ARHGAP24: variants seen among roughly 807,000 people sequenced by gnomAD.
ARHGAP24 encodes the protein Rho GTPase activating protein 24, also known as rho GTPase-activating protein 24.
In ARHGAP24, 50 loss-of-function variants were observed where a neutral mutation model predicts 76.4. That is an observed-to-expected ratio of 0.65 (90% CI 0.52 to 0.83). ARHGAP24 has a LOEUF of 0.83. Among genes scored for constraint, ARHGAP24 ranks in the 40% least tolerant of loss-of-function variants. The probability of loss-of-function intolerance (pLI) is 0.00; values close to 1 mark genes in which losing one functional copy is unlikely to be tolerated. For synonymous variants in ARHGAP24, 345 were observed against 323.3 expected (o/e 1.07, Z -0.72); for missense variants, 930 against 914.2 (o/e 1.02, Z -0.22).
chr4:85,741,373 A>AT (rs1725820147), intron 3 of ARHGAP24, among the ~76,000 whole-genome samples: 1 of 152,254 alleles, frequency 6.6e-6, no homozygotes, highest in South Asian at 2.1e-4. Flanking sequence ...GGAGGGTTTT[A>AT]AAATAAATAA....
chr4:85,915,092 T>G (rs1234253957), intron 3 of ARHGAP24, among the ~76,000 whole-genome samples: 2 of 152,212 alleles, frequency 1.3e-5, no homozygotes, highest in Non-Finnish European at 2.9e-5. Context: ...GTGAAGGAAG[T>G]AACTAGATTC....
intron 1 of ARHGAP24, among the ~76,000 whole-genome samples, chr4:85,494,626 A>T (rs1480942324): frequency 2.0e-5 from 3 of 151,676 alleles, no homozygotes; most frequent in Non-Finnish European, 4.4e-5. Context: ...GGTTGCAGTG[A>T]GCCAAGATTG....
chr4:85,651,495 C>G (rs1261046692), intron 2 of ARHGAP24, among the ~76,000 whole-genome samples: 1 of 148,780 alleles, frequency 6.7e-6, no homozygotes, highest in Non-Finnish European at 1.5e-5. Context: ...TTTGCTGTAC[C>G]TCCTAAGTGG....
chr4:85,556,817 A>C (rs1285226640), intron 1 of ARHGAP24, among the ~76,000 whole-genome samples: 1 of 152,214 alleles, frequency 6.6e-6, no homozygotes, highest in Non-Finnish European at 1.5e-5. Context: ...GCTGCAGGAC[A>C]GCAAAAATGG....
chr4:85,887,461 T>C (rs1007319710), intron 3 of ARHGAP24, among the ~76,000 whole-genome samples: 1 of 151,996 alleles, frequency 6.6e-6, no homozygotes, highest in African/African-American at 2.4e-5. Flanking sequence ...GGTAAAAGAG[T>C]AAGAGACTGA....
intron 2 of ARHGAP24, among the ~76,000 whole-genome samples, chr4:85,631,889 A>T (rs961595821): frequency 2.6e-5 from 4 of 152,022 alleles, no homozygotes; most frequent in Admixed American, 1.3e-4. Context: ...CTTAAAAATG[A>T]TTTGATATTT....
At chr4:85,780,302 T>A (rs1347132404) in intron 3 of ARHGAP24, among the ~76,000 whole-genome samples, 1 of 152,014 alleles carries the variant, frequency 6.6e-6, no homozygotes, top group African/African-American at 2.4e-5. Context: ...GCCTCCAGAG[T>A]AGCTGGGATT....
At chr4:85,750,222 T>C (rs1471868186) in intron 3 of ARHGAP24, among the ~76,000 whole-genome samples, 1 of 152,194 alleles carries the variant, frequency 6.6e-6, no homozygotes, top group Non-Finnish European at 1.5e-5. Context: ...TTTCTTTAAG[T>C]AAAATAAATC....
intron 2 of ARHGAP24, among the ~76,000 whole-genome samples, chr4:85,689,528 A>T (rs1158086067): frequency 3.3e-5 from 5 of 152,054 alleles, no homozygotes; most frequent in African/African-American, 1.2e-4. Context: ...CTGGGAATAT[A>T]GGCGCACACC....
chr4:85,874,194 T>C lies in ARHGAP24; in HGVS notation c.269-49454T>C, dbSNP rs191391423. Among the ~76,000 whole-genome samples the C allele has an allele frequency of 1.6e-4, 25 of 152,288 alleles. No homozygotes were observed. In the East Asian group the frequency reaches 3.9e-3, roughly 24 times the overall value. ...CACAGTGAAATCTTAGTGGGCATTG[T>C]CACTTAGCATAACCATCAGTCAGTC... On this transcript the variant is annotated intron_variant, in intron 3 of 9. Coordinates refer to ENST00000395184, the MANE Select transcript of ARHGAP24 (RefSeq NM_001025616.3).
intron 4 of ARHGAP24, among the ~76,000 whole-genome samples, chr4:85,928,039 G>A (rs935000951): frequency 1.3e-5 from 2 of 152,122 alleles, no homozygotes; most frequent in Non-Finnish European, 2.9e-5. Flanking sequence ...GGGAACCAAG[G>A]GAAACGTGAA....
At chr4:85,907,976 C>A (rs568159157) in intron 3 of ARHGAP24, among the ~76,000 whole-genome samples, 2 of 152,040 alleles carry the variant, frequency 1.3e-5, no homozygotes, top group East Asian at 1.9e-4. Context: ...GCAACCGTCT[C>A]GGAGCTTGGA....
intron 2 of ARHGAP24, among the ~76,000 whole-genome samples, chr4:85,622,981 T>C (rs1292661784): frequency 3.3e-5 from 5 of 152,124 alleles, no homozygotes; most frequent in Non-Finnish European, 7.4e-5. Context: ...GAGTTCATTG[T>C]AGATTCTGGA....
chr4:85,519,382 C>A (rs1724649367), intron 1 of ARHGAP24, among the ~76,000 whole-genome samples: 1 of 152,134 alleles, frequency 6.6e-6, no homozygotes, highest in African/African-American at 2.4e-5. Flanking sequence ...TGATTTTGGA[C>A]CCAGGACTAC....
chr4:85,957,152 TAGTC>T (rs35592577), intron 5 of ARHGAP24, among the ~76,000 whole-genome samples: 31,645 of 152,022 alleles, frequency 0.21, 3,507 homozygotes, highest in South Asian at 0.39. Flanking sequence ...TAGGGATTCT[TAGTC>T]AGCCTAGGAA....
At chr4:85,962,874 T>C (rs1738345482) in intron 5 of ARHGAP24, among the ~76,000 whole-genome samples, 1 of 151,736 alleles carries the variant, frequency 6.6e-6, no homozygotes, top group Non-Finnish European at 1.5e-5. Context: ...CAATTAAAAA[T>C]CAATGTAATG....
At chr4:85,838,040 G>C (rs1301938763) in intron 3 of ARHGAP24, among the ~76,000 whole-genome samples, 1 of 152,084 alleles carries the variant, frequency 6.6e-6, no homozygotes, top group African/African-American at 2.4e-5. Context: ...AATAATGTCT[G>C]GAAAAAATAG....
chr4:85,714,320 A>G (rs981184475), intron 2 of ARHGAP24, among the ~76,000 whole-genome samples: 2 of 152,302 alleles, frequency 1.3e-5, no homozygotes, highest in Non-Finnish European at 2.9e-5. Context: ...CTTTTTCTCT[A>G]TCAAAATTAA....
intron 2 of ARHGAP24, among the ~76,000 whole-genome samples, chr4:85,661,707 C>CGGA (rs1722394546): frequency 6.6e-6 from 1 of 151,838 alleles, no homozygotes; most frequent in Non-Finnish European, 1.5e-5. Context: ...GTGATGTTCC[C>CGGA]CTTCCTGTGT....
Sources: gnomAD v4.1 joint callset for allele counts (sites outside exome capture counted in the v4.1 genomes callset) on GRCh38, gnomAD v4.1.1 for gene constraint, MANE v1.5 for transcripts, NCBI Gene and HGNC (gene_info 2026-07-23, HGNC 2026-07-21) for gene names.